GADL1: variants seen among roughly 807,000 people sequenced by gnomAD.
GADL1 encodes the protein GAD like acidic amino acid decarboxylase 1, also known as acidic amino acid decarboxylase GADL1.
A neutral mutation model predicts 69.5 loss-of-function variants in GADL1; 71 were observed. The ratio of observed to expected loss-of-function variants is 1.02; its 90% CI spans 0.84 to 1.25. The LOEUF (loss-of-function observed/expected upper bound fraction) is 1.25, where lower values mean the gene tolerates loss of function less well. GADL1 is among the 50% of genes most tolerant of loss of function. The pLI is 0.00. For missense variants in GADL1, 737 were observed against 631.8 expected (o/e 1.17, Z -1.79); for synonymous variants, 254 against 214.4 (o/e 1.18, Z -1.62).
At chr3:30,735,737 G>C (rs961153424) in intron 14 of GADL1, among the ~76,000 whole-genome samples, 1 of 152,128 alleles carries the variant, frequency 6.6e-6, no homozygotes, top group Admixed American at 6.6e-5. Flanking sequence ...AATAAATTCT[G>C]TTCGAAGCTG....
At chr3:30,752,391 T>C (rs73056894) in intron 14 of GADL1, among the ~76,000 whole-genome samples, 14,701 of 151,830 alleles carry the variant, frequency 0.097, 802 homozygotes, top group South Asian at 0.21. Flanking sequence ...TGCATGGAGA[T>C]AGACATGTAT....
At chr3:30,870,411 G>T (rs1575242492) in intron 1 of GADL1, among the ~76,000 whole-genome samples, 1 of 151,772 alleles carries the variant, frequency 6.6e-6, no homozygotes, top group Non-Finnish European at 1.5e-5. Context: ...GAAATGGAAA[G>T]AGATAAGTGT....
chr3:30,739,782 T>G (rs1041630728), intron 14 of GADL1, among the ~76,000 whole-genome samples: 2 of 152,202 alleles, frequency 1.3e-5, no homozygotes, highest in Non-Finnish European at 2.9e-5. Flanking sequence ...TCCTGTATTA[T>G]TCATAAAAAT....
intron 12 of GADL1, among the ~76,000 whole-genome samples, chr3:30,795,735 T>C (rs532082993): frequency 6.6e-6 from 1 of 152,340 alleles, no homozygotes; most frequent in South Asian, 2.1e-4. Context: ...CCAAGTTTTA[T>C]AATTTCACAT....
intron 2 of GADL1, among the ~76,000 whole-genome samples, chr3:30,860,012 A>G (rs898943774): frequency 2.0e-5 from 3 of 151,710 alleles, no homozygotes; most frequent in African/African-American, 7.3e-5. Flanking sequence ...TTGCTGTGTT[A>G]AGTACATCTT....
At chr3:30,834,002 AT>A (rs879204813) in intron 10 of GADL1, 68 bp from the exon 11 acceptor site, 26 of 1,069,870 alleles carry the variant, frequency 2.4e-5, no homozygotes, top group East Asian at 2.4e-4. Flanking sequence ...ATGGAATACT[AT>A]CATTATCAAT....
intron 14 of GADL1, among the ~76,000 whole-genome samples, chr3:30,764,044 A>C (rs1409938693): frequency 1.3e-5 from 2 of 152,214 alleles, no homozygotes; most frequent in African/African-American, 4.8e-5. Flanking sequence ...ACAGGATTTA[A>C]AATACTCCGT....
chr3:30,753,505 G>A (rs985144171), intron 14 of GADL1, among the ~76,000 whole-genome samples: 35 of 121,646 alleles, frequency 2.9e-4, no homozygotes, highest in African/African-American at 1.1e-3. Context: ...AGGAAGGATA[G>A]TTTCTTTGTA....
intron 14 of GADL1, among the ~76,000 whole-genome samples, chr3:30,771,544 A>T (rs951202663): frequency 6.6e-6 from 1 of 152,212 alleles, no homozygotes; most frequent in African/African-American, 2.4e-5. Context: ...CTTTGATATT[A>T]GACTCTTTAA....
intron 11 of GADL1, among the ~76,000 whole-genome samples, chr3:30,821,244 G>T (rs1045900825): frequency 6.6e-6 from 1 of 151,992 alleles, no homozygotes; most frequent in African/African-American, 2.4e-5. Flanking sequence ...ACGAGTTAAT[G>T]GGTGCAGCAC....
At chr3:30,886,222 C>T (rs1379612480) in intron 1 of GADL1, among the ~76,000 whole-genome samples, 1 of 151,808 alleles carries the variant, frequency 6.6e-6, no homozygotes, top group Non-Finnish European at 1.5e-5. Context: ...AATAAGAAGC[C>T]CAATAGATAA....
intron 1 of GADL1, among the ~76,000 whole-genome samples, chr3:30,871,749 A>C (rs1368892560): frequency 6.6e-6 from 1 of 151,748 alleles, no homozygotes; most frequent in Non-Finnish European, 1.5e-5. Context: ...GCATCCCCAC[A>C]AACCAAAGAG....
chr3:30,759,072 G>GT (rs79546906), intron 14 of GADL1, among the ~76,000 whole-genome samples: 63,920 of 151,462 alleles, frequency 0.42, 13,541 homozygotes, highest in Non-Finnish European at 0.44. Flanking sequence ...TTAAAAATCC[G>GT]TTTTTTTTCC....
chr3:30,822,978 C>T (rs1031547991), intron 11 of GADL1, among the ~76,000 whole-genome samples: 3 of 151,940 alleles, frequency 2.0e-5, no homozygotes, highest in South Asian at 4.1e-4. Flanking sequence ...TATTGAACAG[C>T]TGCTAATTAT....
intron 1 of GADL1, among the ~76,000 whole-genome samples, chr3:30,882,855 T>C (rs1587074): frequency 0.047 from 7,201 of 151,942 alleles, 601 homozygotes; most frequent in African/African-American, 0.16. Context: ...TTTTTTTTTA[T>C]AGTAGCCATC....
At chr3:30,761,274 C>T (rs1696123508) in intron 14 of GADL1, among the ~76,000 whole-genome samples, 1 of 140,984 alleles carries the variant, frequency 7.1e-6, no homozygotes. Context: ...GGGAAGAAGA[C>T]AGCTAGAGCC....
intron 11 of GADL1, among the ~76,000 whole-genome samples, chr3:30,805,376 A>C (rs1697231613): frequency 6.6e-6 from 1 of 152,172 alleles, no homozygotes; most frequent in African/African-American, 2.4e-5. Context: ...CCATTTGGAG[A>C]GGCTGGTGAA....
chr3:30,888,130 AT>A (rs1415266832), intron 1 of GADL1, among the ~76,000 whole-genome samples: 2 of 152,010 alleles, frequency 1.3e-5, no homozygotes, highest in Non-Finnish European at 2.9e-5. Flanking sequence ...TTTTATTTCT[AT>A]TTTTTTAAAA....
At chr3:30,833,422 G>A (rs1045708609) in intron 11 of GADL1, among the ~76,000 whole-genome samples, 3 of 152,018 alleles carry the variant, frequency 2.0e-5, no homozygotes, top group Admixed American at 6.6e-5. Context: ...ATATAAACGG[G>A]CTGTTAAGCC....
Sources: allele counts gnomAD v4.1 joint callset (sites outside exome capture counted in the v4.1 genomes callset), GRCh38; gene constraint gnomAD v4.1.1; transcripts MANE v1.5; gene names NCBI Gene and HGNC (gene_info 2026-07-23, HGNC 2026-07-21).